Variants in NELL1 observed in about 807,000 individuals in gnomAD.
The protein encoded by NELL1 is neural EGFL like 1, also known as protein kinase C-binding protein NELL1.
Under a neutral mutation model 107.4 loss-of-function variants are expected in NELL1, and 76 were observed. The observed-to-expected ratio is 0.71, with a 90% CI of 0.59 to 0.86. The LOEUF is 0.86. NELL1 is among the 40% of genes least tolerant of loss of function. The probability of loss-of-function intolerance (pLI) is 0.00; values close to 1 mark genes in which losing one functional copy is unlikely to be tolerated. For missense variants in NELL1, 1,024 were observed against 1,005.5 expected (o/e 1.02, Z -0.25); for synonymous variants, 353 against 341.2 (o/e 1.03, Z -0.38).
chr11:21,233,341 T>A (rs1371608648), intron 14 of NELL1, among the ~76,000 whole-genome samples: 2 of 152,190 alleles, frequency 1.3e-5, no homozygotes, highest in African/African-American at 2.4e-5. Context: ...CGTAGTTGAA[T>A]CTGATTTAAC....
At chr11:21,401,229 G>T (rs991157066) in intron 15 of NELL1, among the ~76,000 whole-genome samples, 2 of 151,798 alleles carry the variant, frequency 1.3e-5, no homozygotes, top group African/African-American at 4.8e-5. Context: ...TATGGTATAA[G>T]TTCTTCAGCC....
intron 12 of NELL1, among the ~76,000 whole-genome samples, chr11:21,064,478 C>T (rs539283989): frequency 4.7e-4 from 72 of 152,166 alleles, no homozygotes; most frequent in East Asian, 3.1e-3. Context: ...GGATTTCCTC[C>T]GAAATTGAAA....
chr11:21,360,458 A>T (rs1288918006), intron 14 of NELL1, among the ~76,000 whole-genome samples: 1 of 152,136 alleles, frequency 6.6e-6, no homozygotes, highest in Non-Finnish European at 1.5e-5. Flanking sequence ...AAGAATGTAT[A>T]TTATACAGTT....
At position 20,875,336 on chromosome 11, in the gene NELL1, C is replaced by T. The variant is rs140437727; in HGVS notation, c.507-10108C>T. Among the ~76,000 whole-genome samples the T allele has an allele frequency of 3.4e-3, 512 of 152,160 alleles. 2 individuals carry two copies. Among genetic ancestry groups the T allele is most frequent in the Non-Finnish European group, 6.0e-3 (410 of 68,012 alleles). ...CCTGCCTATTAATATCTCTTTTAATCCTGATAGTGTTGTGCTAAATCTGTC... is the reference window on the plus strand; with the variant it reads ...CCTGCCTATTAATATCTCTTTTAATTCTGATAGTGTTGTGCTAAATCTGTC... On this transcript the variant is annotated intron_variant, in intron 4 of 19. Coordinates refer to ENST00000357134, the MANE Select transcript of NELL1 (RefSeq NM_006157.5).
intron 12 of NELL1, among the ~76,000 whole-genome samples, chr11:21,077,481 G>A (rs1271645694): frequency 2.0e-5 from 3 of 152,144 alleles, no homozygotes; most frequent in South Asian, 2.1e-4. Flanking sequence ...GGTGGCTCAC[G>A]CCTGTAATCA....
At chr11:21,130,259 A>C (rs146818898) in intron 13 of NELL1, among the ~76,000 whole-genome samples, 1 of 152,182 alleles carries the variant, frequency 6.6e-6, no homozygotes, top group African/African-American at 2.4e-5. Context: ...AATGAAGTGC[A>C]TGGGTTTTAC....
intron 13 of NELL1, among the ~76,000 whole-genome samples, chr11:21,147,836 CAAAAAAAAAAAAAAAAA>C (rs35688285): frequency 1.0e-4 from 3 of 28,804 alleles, no homozygotes; most frequent in African/African-American, 2.4e-4. Context: ...AACTCCGTCT[CAAAAAAAAAAAAAAAAA>C]AAAAAAAAAA....
chr11:21,332,258 A>G (rs191839013), intron 14 of NELL1, among the ~76,000 whole-genome samples: 167 of 152,050 alleles, frequency 1.1e-3, no homozygotes, highest in African/African-American at 3.8e-3. Context: ...GGGGGCTCCT[A>G]TGGAGATTTC....
chr11:21,202,044 G>A (rs970808185), intron 13 of NELL1, among the ~76,000 whole-genome samples: 1 of 152,142 alleles, frequency 6.6e-6, no homozygotes, highest in African/African-American at 2.4e-5. Flanking sequence ...TTTTCTTGAG[G>A]CTTTTCTCAT....
intron 12 of NELL1, among the ~76,000 whole-genome samples, chr11:21,048,100 T>C (rs1343917712): frequency 6.6e-6 from 1 of 151,542 alleles, no homozygotes; most frequent in Non-Finnish European, 1.5e-5. Flanking sequence ...CACCCTAGAG[T>C]AGACCCAGTT....
chr11:20,726,675 C>A (rs546492561), intron 2 of NELL1, among the ~76,000 whole-genome samples: 140 of 152,148 alleles, frequency 9.2e-4, no homozygotes, highest in South Asian at 4.0e-3. Flanking sequence ...TATACATGTG[C>A]CATGTTGGTT....
intron 4 of NELL1, among the ~76,000 whole-genome samples, chr11:20,849,311 T>G (rs1047886030): frequency 6.6e-6 from 1 of 152,212 alleles, no homozygotes; most frequent in Non-Finnish European, 1.5e-5. Context: ...CTTCTAAGAG[T>G]TTTACTCTGT....
intron 2 of NELL1, among the ~76,000 whole-genome samples, chr11:20,682,855 T>A (rs1366619450): frequency 6.6e-6 from 1 of 152,086 alleles, no homozygotes; most frequent in Middle Eastern, 3.2e-3. Flanking sequence ...TGTGCTTTTT[T>A]GGTCTGGATT....
intron 2 of NELL1, among the ~76,000 whole-genome samples, chr11:20,736,417 C>T (rs1382399131): frequency 6.6e-6 from 1 of 152,044 alleles, no homozygotes; most frequent in Non-Finnish European, 1.5e-5. Flanking sequence ...CCTACGCTGC[C>T]CTCACTGGGG....
At chr11:21,513,022 G>C (rs966939792) in intron 15 of NELL1, among the ~76,000 whole-genome samples, 1 of 152,166 alleles carries the variant, frequency 6.6e-6, no homozygotes, top group African/African-American at 2.4e-5. Context: ...ATCAAAGCCA[G>C]TAGTCAAGGT....
At chr11:21,112,285 T>G (rs942195910) in intron 12 of NELL1, among the ~76,000 whole-genome samples, 2 of 152,106 alleles carry the variant, frequency 1.3e-5, no homozygotes, top group African/African-American at 4.8e-5. Flanking sequence ...AATCTGATGT[T>G]ATTTCAATAT....
chr11:21,181,271 G>C (rs914214937), intron 13 of NELL1, among the ~76,000 whole-genome samples: 1 of 151,876 alleles, frequency 6.6e-6, no homozygotes, highest in African/African-American at 2.4e-5. Flanking sequence ...AGTAATTGCA[G>C]TTTTTGCCAC....
chr11:20,872,552 T>C (rs10766737), intron 4 of NELL1, among the ~76,000 whole-genome samples: 90,928 of 151,958 alleles, frequency 0.6, 30,256 homozygotes, highest in Non-Finnish European at 0.75. Context: ...GAGGCTATCC[T>C]ACTGCCTAGT....
rs1327786518 is a variant in NELL1 at position 20,975,235 on chromosome 11, C to T, written c.1300+14675C>T. On this transcript the variant is annotated intron_variant, in intron 12 of 19. Coordinates refer to ENST00000357134, the MANE Select transcript of NELL1 (RefSeq NM_006157.5). ...TTCACCATGTTGGTCAGGCTGGTCT[C>T]GAACTCCTGACCTCACATGATCCAC... Among the ~76,000 whole-genome samples, 11 of 151,792 alleles carry T rather than the reference C, an allele frequency of 7.2e-5. No individual in the cohort carries two copies. In the East Asian group the frequency reaches 1.6e-3, roughly 21 times the overall value.
Sources: allele counts gnomAD v4.1 joint callset (sites outside exome capture counted in the v4.1 genomes callset), GRCh38; gene constraint gnomAD v4.1.1; transcripts MANE v1.5; gene names NCBI Gene and HGNC (gene_info 2026-07-23, HGNC 2026-07-21).